Variants in GAPVD1 observed in about 807,000 individuals in gnomAD.
The protein encoded by GAPVD1 is GTPase-activating protein and VPS9 domain-containing protein 1.
Under a neutral mutation model 155.5 loss-of-function variants are expected in GAPVD1, and 35 were observed. The ratio of observed to expected loss-of-function variants is 0.23; its 90% CI spans 0.17 to 0.30. The LOEUF is 0.30. Among genes scored for constraint, GAPVD1 ranks in the 10% least tolerant of loss-of-function variants. The probability of loss-of-function intolerance (pLI) is 1.00; values close to 1 mark genes in which losing one functional copy is unlikely to be tolerated. For synonymous variants in GAPVD1, 636 were observed against 619.7 expected (o/e 1.03, Z -0.39); for missense variants, 1,429 against 1,775.7 (o/e 0.80, Z 3.51).
chr9:125,278,818 G>A (rs1836236188), intron 2 of GAPVD1, among the ~76,000 whole-genome samples: 1 of 151,458 alleles, frequency 6.6e-6, no homozygotes, highest in Admixed American at 6.6e-5. Context: ...CTGGGTGACA[G>A]AGCAAGATGC....
intron 17 of GAPVD1, among the ~76,000 whole-genome samples, chr9:125,337,908 C>T (rs1182185647): frequency 6.6e-6 from 1 of 152,190 alleles, no homozygotes; most frequent in Admixed American, 6.6e-5. Context: ...TGGAGTCACA[C>T]TCTGTTGCCC....
intron 27 of GAPVD1, among the ~76,000 whole-genome samples, chr9:125,361,401 G>A (rs939539296): frequency 6.6e-6 from 1 of 152,016 alleles, no homozygotes; most frequent in African/African-American, 2.4e-5. Flanking sequence ...ACAGGCTCCT[G>A]TAATCGCAGC....
At chr9:125,273,744 C>T (rs1377361202) in intron 2 of GAPVD1, among the ~76,000 whole-genome samples, 1 of 151,758 alleles carries the variant, frequency 6.6e-6, no homozygotes, top group Non-Finnish European at 1.5e-5. Flanking sequence ...CAACTTGTAC[C>T]AGCATCCCCA....
intron 3 of GAPVD1, 120 bp downstream of exon 3, chr9:125,295,694 A>C (rs1012837998): frequency 6.6e-6 from 1 of 152,066 alleles, no homozygotes; most frequent in African/African-American, 2.4e-5. Context: ...AGCCTCCCAA[A>C]GTGCTGGGAT....
Position 125,302,390 on chromosome 9 carries a change from C to T in GAPVD1, c.593C>T (p.Ala198Val). The T allele has an allele frequency of 6.2e-7, 1 of 1,613,984 alleles. No homozygotes were observed. Among genetic ancestry groups the T allele is most frequent in the Non-Finnish European group, 8.5e-7 (1 of 1,179,958 alleles). Residue 198 changes from alanine (A) to valine (V), a missense_variant, in exon 5 of 28, where the codon GCC becomes GTC. This residue lies in a region of GAPVD1 where 628 missense variants were observed against 733.4 expected (regional missense o/e 0.86). Transcript: ENST00000297933. The part of the protein sequence containing the change: ...GLFSAKLFLT[A>V]TLHEPIMQLL... ...TTTTCTGCCAAACTTTTCCTCACAG[C>T]CACTTTACATGAGCCAATTATGCAA...
intron 2 of GAPVD1, among the ~76,000 whole-genome samples, chr9:125,293,855 TATATATATATATATATATATATATATATA>T (rs1564310952): frequency 1.7e-3 from 7 of 4,228 alleles, no homozygotes; most frequent in Non-Finnish European, 2.6e-3. Context: ...ATATATTTTA[TATATATATATATATATATATATATATATA>T]TATATATATA....
At position 125,331,912 on chromosome 9, in the gene GAPVD1, T is replaced by C. The variant is rs1564412664; in HGVS notation, c.2174-14T>C. On this transcript the variant is annotated splice_polypyrimidine_tract_variant and intron_variant, in intron 13 of 27. Coordinates refer to ENST00000297933, the MANE Select transcript of GAPVD1 (RefSeq NM_001282680.3). ...AGAATCACAAATGTAACATACCTCTTATCTTCTATTTAGAGGCCCCAGACC... is the reference window on the plus strand; with the variant it reads ...AGAATCACAAATGTAACATACCTCTCATCTTCTATTTAGAGGCCCCAGACC... 3 of 1,613,276 alleles carry C rather than the reference T, an allele frequency of 1.9e-6. No homozygotes were observed. The highest frequency in any genetic ancestry group is 1.1e-5 in the South Asian group (1 of 91,044).
At chr9:125,274,229 C>A (rs1001221233) in intron 2 of GAPVD1, among the ~76,000 whole-genome samples, 1 of 151,696 alleles carries the variant, frequency 6.6e-6, no homozygotes, top group African/African-American at 2.4e-5. Context: ...TGTTGGCGAG[C>A]CTGGTCTTGA....
chr9:125,349,515 T>C lies in GAPVD1; in HGVS notation c.3295T>C (p.Tyr1099His), dbSNP rs1849010895. 3 of 1,613,922 alleles carry C rather than the reference T, an allele frequency of 1.9e-6. No individual in the cohort carries two copies. The highest frequency in any genetic ancestry group is 2.5e-6 in the Non-Finnish European group (3 of 1,179,794). Reference sequence around the variant, plus strand: ...CCACCCGCAGGATTCAGCTTTCTCTTACAGGTATTTCTTTTATAGGATTTG... The same window carrying C: ...CCACCCGCAGGATTCAGCTTTCTCTCACAGGTATTTCTTTTATAGGATTTG... ...AAHPQDSAFSYRDAKKKLRLA... is the reference protein window; with the variant it reads ...AAHPQDSAFSHRDAKKKLRLA... Residue 1099 changes from tyrosine to histidine, a missense_variant, in exon 21 of 28, where the codon TAC becomes CAC. Physicochemically the swap from Tyr to His is moderately conservative, Grantham distance 83. This residue lies in a region of GAPVD1 where 699 missense variants were observed against 826.0 expected (regional missense o/e 0.85). Transcript: ENST00000297933.
chr9:125,300,031 AAAAAAAAATATATATATATATATATAT>A (rs1840545150), intron 4 of GAPVD1, among the ~76,000 whole-genome samples: 2 of 14,058 alleles, frequency 1.4e-4, no homozygotes, highest in African/African-American at 4.6e-4. Context: ...AAGAAAAAAA[AAAAAAAAATATATATATATATATATAT>A]ATATATATAT....
intron 9 of GAPVD1, 134 bp from the exon 10 acceptor site, chr9:125,321,299 C>T: frequency 1.7e-6 from 1 of 603,976 alleles, no homozygotes; most frequent in Non-Finnish European, 2.9e-6. Context: ...AAAAGCTTGA[C>T]AGACCTTCTA....
chr9:125,278,296 G>T (rs1002978242), intron 2 of GAPVD1, among the ~76,000 whole-genome samples: 2 of 149,062 alleles, frequency 1.3e-5, no homozygotes, highest in African/African-American at 5.0e-5. Flanking sequence ...CTAGTCCGGC[G>T]GATCACCTGA....
At chr9:125,284,837 C>T (rs1332153518) in intron 2 of GAPVD1, among the ~76,000 whole-genome samples, 1 of 152,114 alleles carries the variant, frequency 6.6e-6, no homozygotes, top group African/African-American at 2.4e-5. Flanking sequence ...GCAATTATAA[C>T]ATAATAGTAA....
intron 12 of GAPVD1, among the ~76,000 whole-genome samples, chr9:125,328,991 C>T (rs963225089): frequency 1.3e-5 from 2 of 151,920 alleles, no homozygotes; most frequent in South Asian, 2.1e-4. Context: ...GGCGTGGCGG[C>T]GCGTGCCTGC....
chr9:125,349,475 T>C lies in GAPVD1; in HGVS notation c.3255T>C (p.Ser1085=). The part of the protein sequence containing the change: ...QNISADDLPD[S]ASQAAHPQDS... ...TCTCGGCTGATGATCTCCCAGACTCTGCAAGCCAAGCAGCCCACCCGCAGG... is the reference window on the plus strand; with the variant it reads ...TCTCGGCTGATGATCTCCCAGACTCCGCAAGCCAAGCAGCCCACCCGCAGG... The change falls in exon 21 of 28, where the codon TCT becomes TCC. Residue 1085 remains serine, a synonymous_variant. Transcript: ENST00000297933. 1 of 1,614,066 alleles carries C rather than the reference T, an allele frequency of 6.2e-7. No individual in the cohort carries two copies. Among genetic ancestry groups the C allele is most frequent in the Middle Eastern group, 1.6e-4 (1 of 6,062 alleles).
chr9:125,329,280 A>C (rs1588979067), intron 12 of GAPVD1, among the ~76,000 whole-genome samples: 2 of 152,188 alleles, frequency 1.3e-5, no homozygotes, highest in Admixed American at 1.3e-4. Flanking sequence ...TTTCCTGTGA[A>C]TGTATCTTAT....
chr9:125,268,225 T>C (rs571131250), intron 1 of GAPVD1, among the ~76,000 whole-genome samples: 13 of 130,900 alleles, frequency 9.9e-5, no homozygotes, highest in Non-Finnish European at 1.9e-4. Flanking sequence ...CCAAGAACTT[T>C]ATTCTACTGG....
In GAPVD1 at chr9:125,350,501, A is replaced by T. The variant is rs868228307; in HGVS notation, c.3409+97A>T. The stretch of plus-strand genomic sequence containing the variant: ...GCTGTTGAAGCTGTACAGCAATTCC[A>T]TATGGTTCAACTTAATATGTTTACA... On this transcript the variant is annotated intron_variant, in intron 22 of 27. Transcript: ENST00000297933. 4 of 823,672 alleles carry T rather than the reference A, an allele frequency of 4.9e-6. No individual in the cohort carries two copies. In the Admixed American group the frequency reaches 8.5e-5, roughly 17 times the overall value. The allele number at this position is 823,672 out of a possible 1,614,324, so 51.0% of individuals were successfully genotyped here.
chr9:125,340,164 G>A (rs1847641730), intron 17 of GAPVD1, among the ~76,000 whole-genome samples: 2 of 152,144 alleles, frequency 1.3e-5, no homozygotes, highest in Admixed American at 6.5e-5. Context: ...GGGATTATAG[G>A]CGAGCACCAC....
Sources: allele counts gnomAD v4.1 joint callset (sites outside exome capture counted in the v4.1 genomes callset), GRCh38; gene constraint gnomAD v4.1.1; regional missense constraint gnomAD v4.1.1; transcripts MANE v1.5; gene names NCBI Gene and HGNC (gene_info 2026-07-23, HGNC 2026-07-21).